The following PDZRN4 variants were observed in gnomAD, a reference collection of about 807,000 sequenced individuals.
The protein encoded by PDZRN4 is PDZ domain containing ring finger 4, also known as PDZ domain-containing RING finger protein 4.
PDZRN4 carries 70 observed loss-of-function variants against 99.0 expected under a neutral mutation model. That is an observed-to-expected ratio of 0.71 (90% CI 0.58 to 0.86). PDZRN4 has a LOEUF of 0.86. Ranked by LOEUF, PDZRN4 falls within the 40% of genes least tolerant of loss-of-function variation. The pLI, the probability that PDZRN4 is intolerant of heterozygous loss-of-function variation, is 0.00. For synonymous variants in PDZRN4, 551 were observed against 501.6 expected (o/e 1.10, Z -1.32); for missense variants, 1,474 against 1,331.2 (o/e 1.11, Z -1.67).
intron 3 of PDZRN4, among the ~76,000 whole-genome samples, chr12:41,423,459 C>T (rs759228038): frequency 3.9e-5 from 6 of 152,010 alleles, no homozygotes; most frequent in South Asian, 2.1e-4. Context: ...TCCATGTCTC[C>T]GCAAAGGGCA....
chr12:41,329,400 G>A (rs1951729736), intron 3 of PDZRN4, among the ~76,000 whole-genome samples: 1 of 152,070 alleles, frequency 6.6e-6, no homozygotes, highest in Admixed American at 6.6e-5. Flanking sequence ...TTATGCTTTT[G>A]AAAAGGAAAG....
At chr12:41,564,593 A>C (rs2120838576) in intron 8 of PDZRN4, among the ~76,000 whole-genome samples, 1 of 152,298 alleles carries the variant, frequency 6.6e-6, no homozygotes, top group South Asian at 2.1e-4. Context: ...TGACTTGAAT[A>C]TAGTGGTTAT....
intron 3 of PDZRN4, among the ~76,000 whole-genome samples, chr12:41,416,952 T>A (rs1403788901): frequency 3.3e-5 from 5 of 152,188 alleles, no homozygotes; most frequent in African/African-American, 1.2e-4. Flanking sequence ...TTAAATTTAG[T>A]GATAAAAGCA....
At chr12:41,214,487 A>G (rs1170400136) in intron 3 of PDZRN4, among the ~76,000 whole-genome samples, 3 of 146,142 alleles carry the variant, frequency 2.1e-5, no homozygotes, top group Non-Finnish European at 3.0e-5. Context: ...TTCCTGAAAC[A>G]TAAATAACAA....
At chr12:41,238,832 A>G (rs2195706) in intron 3 of PDZRN4, among the ~76,000 whole-genome samples, 102,340 of 152,060 alleles carry the variant, frequency 0.67, 34,577 homozygotes, top group South Asian at 0.73. Flanking sequence ...GCGAGGTTGT[A>G]TAGAAAAGGG....
chr12:41,498,464 C>T (rs1334970318), intron 3 of PDZRN4, among the ~76,000 whole-genome samples: 2 of 152,136 alleles, frequency 1.3e-5, no homozygotes, highest in Non-Finnish European at 2.9e-5. Flanking sequence ...GGCCTTCTTT[C>T]TGTGTCATAA....
intron 5 of PDZRN4, among the ~76,000 whole-genome samples, chr12:41,549,935 A>G (rs950068124): frequency 2.6e-5 from 4 of 152,142 alleles, no homozygotes; most frequent in African/African-American, 7.2e-5. Context: ...GACCATGGAG[A>G]TAACTTTGAG....
intron 3 of PDZRN4, among the ~76,000 whole-genome samples, chr12:41,286,601 G>T (rs1951424475): frequency 6.6e-6 from 1 of 151,972 alleles, no homozygotes; most frequent in Non-Finnish European, 1.5e-5. Context: ...TAACATTTCT[G>T]GTCCACTCAC....
At chr12:41,238,980 T>A (rs568502796) in intron 3 of PDZRN4, among the ~76,000 whole-genome samples, 5 of 152,260 alleles carry the variant, frequency 3.3e-5, no homozygotes, top group African/African-American at 1.2e-4. Flanking sequence ...CCCAAAGGAC[T>A]AGAGGTCATT....
chr12:41,560,490 C>T (rs1939250726), intron 7 of PDZRN4, among the ~76,000 whole-genome samples: 1 of 152,302 alleles, frequency 6.6e-6, no homozygotes, highest in South Asian at 2.1e-4. Context: ...CTAACATTTA[C>T]ATATGGCCAT....
intron 3 of PDZRN4, among the ~76,000 whole-genome samples, chr12:41,487,930 A>G (rs1447817326): frequency 6.6e-6 from 1 of 152,202 alleles, no homozygotes; most frequent in African/African-American, 2.4e-5. Flanking sequence ...TTGAAAACAC[A>G]TATGTATGTA....
intron 5 of PDZRN4, among the ~76,000 whole-genome samples, chr12:41,525,685 A>G (rs946672739): frequency 3.3e-5 from 5 of 152,102 alleles, no homozygotes; most frequent in Non-Finnish European, 5.9e-5. Context: ...CCTATAGTAG[A>G]GAATATTTAT....
intron 3 of PDZRN4, among the ~76,000 whole-genome samples, chr12:41,405,607 A>G (rs1321329886): frequency 6.6e-6 from 1 of 152,216 alleles, no homozygotes; most frequent in Non-Finnish European, 1.5e-5. Context: ...GTATATACCC[A>G]AAGGAAAATA....
chr12:41,368,094 A>C (rs1004612508), intron 3 of PDZRN4, among the ~76,000 whole-genome samples: 1 of 152,022 alleles, frequency 6.6e-6, no homozygotes, highest in African/African-American at 2.4e-5. Flanking sequence ...TTGGTCAAAA[A>C]GCCCAGTCCT....
intron 5 of PDZRN4, among the ~76,000 whole-genome samples, chr12:41,513,261 G>A (rs1938340970): frequency 6.6e-6 from 1 of 152,046 alleles, no homozygotes; most frequent in South Asian, 2.1e-4. Flanking sequence ...ATTATACTCA[G>A]TGTCCATGTT....
intron 3 of PDZRN4, among the ~76,000 whole-genome samples, chr12:41,483,475 G>T (rs1937715797): frequency 6.6e-6 from 1 of 152,152 alleles, no homozygotes; most frequent in African/African-American, 2.4e-5. Context: ...CAGTGACTGA[G>T]ATTCCCAACC....
chr12:41,526,417 A>G (rs1938568309), intron 5 of PDZRN4, among the ~76,000 whole-genome samples: 1 of 152,226 alleles, frequency 6.6e-6, no homozygotes, highest in Non-Finnish European at 1.5e-5. Context: ...GCCTTAGCTT[A>G]AGGCTTTAAC....
intron 3 of PDZRN4, among the ~76,000 whole-genome samples, chr12:41,276,918 T>C (rs1410190875): frequency 6.6e-6 from 1 of 152,308 alleles, no homozygotes; most frequent in East Asian, 1.9e-4. Context: ...AATAATGTCA[T>C]GCATAATGGT....
intron 7 of PDZRN4, among the ~76,000 whole-genome samples, chr12:41,560,983 G>C (rs974205015): frequency 6.6e-6 from 1 of 152,108 alleles, no homozygotes; most frequent in African/African-American, 2.4e-5. Context: ...TTCATCCCAG[G>C]TACGATCCTG....
Sources: gnomAD v4.1 joint callset for allele counts (sites outside exome capture counted in the v4.1 genomes callset) on GRCh38, gnomAD v4.1.1 for gene constraint, MANE v1.5 for transcripts, NCBI Gene and HGNC (gene_info 2026-07-23, HGNC 2026-07-21) for gene names.